The following IFTAP variants were observed in gnomAD, a reference collection of about 807,000 sequenced individuals.
IFTAP encodes intraflagellar transport associated protein, also known as intraflagellar transport-associated protein.
Under a neutral mutation model 19.4 loss-of-function variants are expected in IFTAP, and 19 were observed. The ratio of observed to expected loss-of-function variants is 0.98; its 90% CI spans 0.68 to 1.44. The LOEUF is 1.44. IFTAP is among the 40% of genes most tolerant of loss of function. The pLI is 0.00. For missense variants in IFTAP, 240 were observed against 253.6 expected (o/e 0.95, Z 0.36); for synonymous variants, 85 against 83.5 (o/e 1.02, Z -0.10).
intron 2 of IFTAP, 51 bp downstream of exon 2, chr11:36,610,290 T>C: frequency 3.3e-6 from 5 of 1,496,476 alleles, no homozygotes; most frequent in Non-Finnish European, 3.6e-6. Flanking sequence ...ATAATTTTAT[T>C]ATAAGTGTAT....
intron 4 of IFTAP, among the ~76,000 whole-genome samples, chr11:36,638,676 ATAG>A (rs1343184518): frequency 1.3e-5 from 2 of 152,244 alleles, no homozygotes. Flanking sequence ...GACATTTTAA[ATAG>A]TAAAGTTGCT....
At chr11:36,625,204 TCTA>T (rs1852464958) in intron 2 of IFTAP, among the ~76,000 whole-genome samples, 1 of 152,138 alleles carries the variant, frequency 6.6e-6, no homozygotes, top group Non-Finnish European at 1.5e-5. Flanking sequence ...TATAATAACT[TCTA>T]CTTCATTAAG....
chr11:36,636,200 G>T, intron 4 of IFTAP, 83 bp downstream of exon 4: 1 of 1,090,518 alleles, frequency 9.2e-7, no homozygotes, highest in Non-Finnish European at 1.4e-6. Context: ...TCCTGTTTTT[G>T]GCAATTCTTA....
intron 1 of IFTAP, among the ~76,000 whole-genome samples, chr11:36,597,332 T>C (rs1165277961): frequency 2.6e-5 from 4 of 152,216 alleles, no homozygotes; most frequent in Non-Finnish European, 5.9e-5. Flanking sequence ...ATACTATATC[T>C]AAAATAACCT....
intron 1 of IFTAP, among the ~76,000 whole-genome samples, chr11:36,600,729 TCA>T (rs1851476191): frequency 6.6e-6 from 1 of 152,172 alleles, no homozygotes; most frequent in South Asian, 2.1e-4. Flanking sequence ...CATTAAGAAA[TCA>T]CAGTTATAAG....
chr11:36,634,310 A>C (rs1053984429), intron 3 of IFTAP, among the ~76,000 whole-genome samples: 5 of 152,122 alleles, frequency 3.3e-5, no homozygotes, highest in African/African-American at 1.2e-4. Context: ...TTTGTTCATC[A>C]GAGGTTCATT....
At chr11:36,595,591 A>C (rs190955193) in intron 1 of IFTAP, among the ~76,000 whole-genome samples, 76 of 152,370 alleles carry the variant, frequency 5.0e-4, no homozygotes, top group Middle Eastern at 3.4e-3. Flanking sequence ...TGGCTCTGCC[A>C]CTAACTACAT....
chr11:36,621,080 T>C (rs1386213860), intron 2 of IFTAP, among the ~76,000 whole-genome samples: 2 of 151,942 alleles, frequency 1.3e-5, no homozygotes, highest in East Asian at 3.9e-4. Context: ...AGTGGGTGCA[T>C]ATTTGTTTTA....
At chr11:36,622,083 A>ATTTTT (rs199873596) in intron 2 of IFTAP, among the ~76,000 whole-genome samples, 23 of 138,196 alleles carry the variant, frequency 1.7e-4, no homozygotes, top group East Asian at 1.4e-3. Context: ...CTCTTGTTCT[A>ATTTTT]TTTTTTATTT....
intron 1 of IFTAP, among the ~76,000 whole-genome samples, chr11:36,608,551 A>T (rs1851772386): frequency 6.6e-6 from 1 of 152,236 alleles, no homozygotes; most frequent in Non-Finnish European, 1.5e-5. Flanking sequence ...GAATGAATGG[A>T]GTTTAACAAG....
chr11:36,641,722 G>C (rs145916039), intron 4 of IFTAP, among the ~76,000 whole-genome samples: 3 of 152,154 alleles, frequency 2.0e-5, no homozygotes, highest in Non-Finnish European at 4.4e-5. Context: ...AATAGGTGGG[G>C]TGTGGTGCTG....
At chr11:36,652,202 T>C (rs1853769661) in intron 5 of IFTAP, among the ~76,000 whole-genome samples, 1 of 152,208 alleles carries the variant, frequency 6.6e-6, no homozygotes. Flanking sequence ...TGGTCTTCCA[T>C]TTGTTTGTGT....
At chr11:36,640,763 A>T (rs1445523000) in intron 4 of IFTAP, among the ~76,000 whole-genome samples, 1 of 152,190 alleles carries the variant, frequency 6.6e-6, no homozygotes, top group East Asian at 1.9e-4. Context: ...AAAATTGGTG[A>T]TATTAACTAA....
At chr11:36,595,095 T>C (rs1851157547) in intron 1 of IFTAP, 1 of 152,242 alleles carries the variant, frequency 6.6e-6, no homozygotes, top group Admixed American at 6.5e-5. Flanking sequence ...CGAGTGCACT[T>C]TGAAGGTCCT....
chr11:36,600,678 T>G (rs1350040019), intron 1 of IFTAP, among the ~76,000 whole-genome samples: 1 of 152,256 alleles, frequency 6.6e-6, no homozygotes, highest in Non-Finnish European at 1.5e-5. Flanking sequence ...ATGCCTTACA[T>G]TCTTCCCACA....
intron 4 of IFTAP, among the ~76,000 whole-genome samples, chr11:36,647,614 G>A (rs1475209669): frequency 6.6e-6 from 1 of 152,042 alleles, no homozygotes; most frequent in Non-Finnish European, 1.5e-5. Context: ...ATTGTTACAG[G>A]ATGAAATCAG....
At chr11:36,635,983 T>C in intron 3 of IFTAP, 68 bp from the exon 4 acceptor site, 1 of 1,054,646 alleles carries the variant, frequency 9.5e-7, no homozygotes, top group Non-Finnish European at 1.5e-6. Flanking sequence ...AGTGGATTCG[T>C]TGACTTTTCA....
chr11:36,654,338 AT>A (rs1236009018), intron 5 of IFTAP, among the ~76,000 whole-genome samples: 2 of 150,580 alleles, frequency 1.3e-5, no homozygotes, highest in East Asian at 3.9e-4. Flanking sequence ...ATTTTATTTT[AT>A]TTTTTTATTT....
At chr11:36,609,354 C>A (rs560436572) in intron 1 of IFTAP, among the ~76,000 whole-genome samples, 2 of 152,256 alleles carry the variant, frequency 1.3e-5, no homozygotes, top group African/African-American at 4.8e-5. Flanking sequence ...TTCAGTACAA[C>A]CTCAGGGGCT....
Sources: allele counts gnomAD v4.1 joint callset (sites outside exome capture counted in the v4.1 genomes callset), GRCh38; gene constraint gnomAD v4.1.1; transcripts MANE v1.5; gene names NCBI Gene and HGNC (gene_info 2026-07-23, HGNC 2026-07-21).